Variants in UTRN observed in about 807,000 individuals in gnomAD.
UTRN encodes utrophin.
A neutral mutation model predicts 463.9 loss-of-function variants in UTRN; 283 were observed. That is an observed-to-expected ratio of 0.61 (90% CI 0.55 to 0.67). UTRN has a LOEUF of 0.67. Ranked by LOEUF, UTRN falls within the 30% of genes least tolerant of loss-of-function variation. The pLI is 0.00. For synonymous variants in UTRN, 1,442 were observed against 1,431.5 expected, an observed-to-expected ratio of 1.01 and a Z score of -0.17; for missense variants, 3,922 against 4,084.3, an observed-to-expected ratio of 0.96 and a Z score of 1.08.
At chr6:144,334,304 C>T (rs936049861) in intron 2 of UTRN, among the ~76,000 whole-genome samples, 9 of 97,118 alleles carry the variant, frequency 9.3e-5, no homozygotes, top group Admixed American at 6.6e-4. Flanking sequence ...TCCCTCTTTC[C>T]GGTGTGTGTT....
In UTRN at chr6:144,554,875, A is replaced by G. The variant is rs968471969; in HGVS notation, c.7116A>G (p.Lys2372=). ...LQQARRDPLT[K]QISDNQILLQ... ...AAGCCCGACGGGATCCACTCACCAA[A>G]CAAATTTCTGATAACCAAGTAAGAC... Residue 2372 remains lysine (K), a synonymous_variant, in exon 49 of 75, where the codon AAA becomes AAG. Transcript: ENST00000367545. 20 of 1,614,030 alleles carry G rather than the reference A, an allele frequency of 1.2e-5. No individual in the cohort carries two copies. The highest frequency in any genetic ancestry group is 1.7e-5 in the Non-Finnish European group (20 of 1,179,960).
chr6:144,523,055 G>T lies in UTRN; in HGVS notation c.5773G>T (p.Ala1925Ser), dbSNP rs750942577. 1.7e-5 allele frequency: 27 copies of T among 1,612,822 alleles called. No homozygotes were observed. Among genetic ancestry groups the T allele is most frequent in the Non-Finnish European group, 2.1e-5 (25 of 1,179,606 alleles). ...ACTGGACAAACTTGGAGAGCAGATT[G>T]CAGTCATTCATGAAAAACAGCCAGA... ...DQLDKLGEQIAVIHEKQPDVI... is the reference protein window; with the variant it reads ...DQLDKLGEQISVIHEKQPDVI... Residue 1925 changes from alanine (A) to serine (S), a missense_variant, in exon 41 of 75, where the codon GCA becomes TCA. Coordinates refer to ENST00000367545, the MANE Select transcript of UTRN (RefSeq NM_007124.3).
chr6:144,713,469 C>G (rs1785972943), intron 53 of UTRN, among the ~76,000 whole-genome samples: 1 of 147,690 alleles, frequency 6.8e-6, no homozygotes, highest in Admixed American at 6.8e-5. Context: ...AAAAAATCAG[C>G]TGGGTGTGGT....
intron 25 of UTRN, among the ~76,000 whole-genome samples, chr6:144,475,918 A>G (rs1270196208): frequency 6.6e-6 from 1 of 151,794 alleles, no homozygotes; most frequent in East Asian, 2.0e-4. Context: ...TCTATAAAAA[A>G]TACAAAAATT....
chr6:144,535,345 G>A (rs1797435563), intron 43 of UTRN, among the ~76,000 whole-genome samples: 1 of 152,150 alleles, frequency 6.6e-6, no homozygotes, highest in Non-Finnish European at 1.5e-5. Flanking sequence ...GCCTCTCAAA[G>A]TTCTGGAATT....
At chr6:144,690,168 G>C (rs977379049) in intron 52 of UTRN, among the ~76,000 whole-genome samples, 2 of 141,070 alleles carry the variant, frequency 1.4e-5, no homozygotes, top group Non-Finnish European at 3.0e-5. Flanking sequence ...AAACCAGGAG[G>C]GAGGTGGGTC....
chr6:144,643,522 C>G (rs536033985), intron 51 of UTRN, among the ~76,000 whole-genome samples: 1 of 152,234 alleles, frequency 6.6e-6, no homozygotes, highest in Non-Finnish European at 1.5e-5. Flanking sequence ...TTGGGCCGGG[C>G]ACGGTGGTTC....
At chr6:144,369,415 G>C (rs929443887) in intron 2 of UTRN, among the ~76,000 whole-genome samples, 1 of 152,140 alleles carries the variant, frequency 6.6e-6, no homozygotes, top group Non-Finnish European at 1.5e-5. Context: ...TCAAGAGATC[G>C]AGACCATCCT....
At chr6:144,602,226 G>C (rs958948914) in intron 51 of UTRN, among the ~76,000 whole-genome samples, 2 of 151,956 alleles carry the variant, frequency 1.3e-5, no homozygotes, top group Admixed American at 1.3e-4. Flanking sequence ...CCGCCTCCCA[G>C]GTTCAAGCAA....
intron 51 of UTRN, among the ~76,000 whole-genome samples, chr6:144,631,915 T>C (rs1415145080): frequency 6.6e-6 from 1 of 152,242 alleles, no homozygotes; most frequent in Non-Finnish European, 1.5e-5. Flanking sequence ...GAAGAAATTC[T>C]GACCTTTTCT....
At position 144,514,823 on chromosome 6, in the gene UTRN, G is replaced by A; in HGVS notation, c.5244+3G>A. 1.9e-6 allele frequency: 3 copies of A among 1,611,988 alleles called. No individual in the cohort carries two copies. Among genetic ancestry groups the A allele is most frequent in the Non-Finnish European group, 2.5e-6 (3 of 1,179,268 alleles). On this transcript the variant is annotated splice_donor_region_variant and intron_variant, in intron 37 of 74. Coordinates refer to ENST00000367545, the MANE Select transcript of UTRN (RefSeq NM_007124.3). Reference sequence around the variant, plus strand: ...CTCAACATATCAAAAGTGCCAAAGTGAGTAATTATGCTTTTAGAGTAAACC... The same window carrying A: ...CTCAACATATCAAAAGTGCCAAAGTAAGTAATTATGCTTTTAGAGTAAACC...
At chr6:144,762,058 C>A (rs1176945102) in intron 58 of UTRN, among the ~76,000 whole-genome samples, 1 of 152,138 alleles carries the variant, frequency 6.6e-6, no homozygotes, top group Non-Finnish European at 1.5e-5. Context: ...CATAGATGAT[C>A]TCTTTTAATT....
At chr6:144,704,290 T>C (rs12662838) in intron 53 of UTRN, among the ~76,000 whole-genome samples, 1 of 152,226 alleles carries the variant, frequency 6.6e-6, no homozygotes, top group Non-Finnish European at 1.5e-5. Flanking sequence ...CCTATCTTTT[T>C]CTTTAGCTGC....
At chr6:144,374,690 G>A (rs561597705) in intron 2 of UTRN, among the ~76,000 whole-genome samples, 1 of 151,408 alleles carries the variant, frequency 6.6e-6, no homozygotes, top group East Asian at 2.0e-4. Context: ...CACCATGTTG[G>A]TCAGGCTGGT....
chr6:144,588,434 A>G (rs1195483195), intron 51 of UTRN, among the ~76,000 whole-genome samples: 1 of 152,208 alleles, frequency 6.6e-6, no homozygotes, highest in African/African-American at 2.4e-5. Flanking sequence ...TTAAAGAATA[A>G]CTAATACATT....
chr6:144,738,203 C>T (rs949306193), intron 54 of UTRN, among the ~76,000 whole-genome samples: 1 of 152,190 alleles, frequency 6.6e-6, no homozygotes, highest in Non-Finnish European at 1.5e-5. Flanking sequence ...CTTCCTAGCT[C>T]CTCCTTGATC....
At chr6:144,442,013 T>C (rs952272025) in intron 13 of UTRN, among the ~76,000 whole-genome samples, 1 of 152,082 alleles carries the variant, frequency 6.6e-6, no homozygotes, top group African/African-American at 2.4e-5. Context: ...CACAAAACCA[T>C]TTTTTCCTCC....
intron 2 of UTRN, among the ~76,000 whole-genome samples, chr6:144,334,419 CG>C (rs1776567646): frequency 6.6e-6 from 1 of 150,860 alleles, no homozygotes; most frequent in Non-Finnish European, 1.5e-5. Flanking sequence ...TTAGCGCCCC[CG>C]GGAGTGGTAG....
At position 144,566,952 on chromosome 6, in the gene UTRN, G is replaced by T. The variant is rs118113059; in HGVS notation, c.7289+9641G>T. Among the ~76,000 whole-genome samples the T allele has an allele frequency of 2.5e-3, 378 of 152,140 alleles. 13 individuals carry two copies. The East Asian group carries it at 0.059, about 24-fold the overall frequency. The stretch of plus-strand genomic sequence containing the variant: ...GCTTGAGTCCAGGAGTTCCAGACTA[G>T]CCTGGGAAATATGGCAAAACCTCAT... On this transcript the variant is annotated intron_variant, in intron 50 of 74. Transcript: ENST00000367545.
Sources: gnomAD v4.1 joint callset for allele counts (sites outside exome capture counted in the v4.1 genomes callset) on GRCh38, gnomAD v4.1.1 for gene constraint, MANE v1.5 for transcripts, NCBI Gene and HGNC (gene_info 2026-07-23, HGNC 2026-07-21) for gene names.